GALNT17: variants seen among roughly 807,000 people sequenced by gnomAD.
The protein encoded by GALNT17 is polypeptide N-acetylgalactosaminyltransferase 17.
GALNT17 carries 29 observed loss-of-function variants against 63.7 expected under a neutral mutation model. The observed-to-expected ratio is 0.46, with a 90% CI of 0.34 to 0.62. The LOEUF (loss-of-function observed/expected upper bound fraction) is 0.62. GALNT17 is among the 20% of genes least tolerant of loss of function. The pLI is 0.01. For missense variants in GALNT17, 603 were observed against 799.6 expected, an observed-to-expected ratio of 0.75 and a Z score of 2.97; for synonymous variants, 305 against 318.3, an observed-to-expected ratio of 0.96 and a Z score of 0.45.
intron 1 of GALNT17, among the ~76,000 whole-genome samples, chr7:71,162,096 C>T (rs1369278565): frequency 1.8e-5 from 2 of 114,064 alleles, no homozygotes; most frequent in Non-Finnish European, 3.6e-5. Flanking sequence ...TTCCTCCCTC[C>T]CTCCCTTCCT....
chr7:71,183,299 C>T lies in GALNT17; in HGVS notation c.238+50259C>T, dbSNP rs769044161. 7.9e-5 allele frequency among the ~76,000 whole-genome samples: 12 copies of T among 152,064 alleles called. 1 individual carries two copies. The highest frequency in any genetic ancestry group is 2.0e-4 in the Admixed American group (3 of 15,258). Reference sequence around the variant, plus strand: ...CTTCATACATTTCTTCCCAGTGTAGCTCTTGAAGACAGAAGGAATCACTCC... The same window carrying T: ...CTTCATACATTTCTTCCCAGTGTAGTTCTTGAAGACAGAAGGAATCACTCC... On this transcript the variant is annotated intron_variant, in intron 1 of 10. Coordinates refer to ENST00000333538, the MANE Select transcript of GALNT17 (RefSeq NM_022479.3).
chr7:71,177,900 G>C lies in GALNT17; in HGVS notation c.238+44860G>C, dbSNP rs1017317618. 3.2e-4 allele frequency among the ~76,000 whole-genome samples: 48 copies of C among 152,174 alleles called. 1 individual carries two copies. Among genetic ancestry groups the C allele is most frequent in the African/African-American group, 1.1e-3 (47 of 41,440 alleles). The stretch of plus-strand genomic sequence containing the variant: ...CTATATATATTTATGTTAAAAGGAA[G>C]GTAGGGGTTGCTTGCCTGATGATTT... On this transcript the variant is annotated intron_variant, in intron 1 of 10. Transcript: ENST00000333538.
At chr7:71,318,570 C>T (rs1791544790) in intron 1 of GALNT17, among the ~76,000 whole-genome samples, 1 of 152,016 alleles carries the variant, frequency 6.6e-6, no homozygotes, top group Admixed American at 6.6e-5. Context: ...CAGGCATGCA[C>T]CACCACGCCC....
At chr7:71,535,173 G>A (rs184590208) in intron 5 of GALNT17, among the ~76,000 whole-genome samples, 3 of 152,304 alleles carry the variant, frequency 2.0e-5, no homozygotes, top group Admixed American at 2.0e-4. Flanking sequence ...GTTTTAAGAG[G>A]GAGGCCACAG....
chr7:71,265,118 A>ATATTTT (rs1390488895), intron 1 of GALNT17, among the ~76,000 whole-genome samples: 3 of 37,464 alleles, frequency 8.0e-5, no homozygotes, highest in African/African-American at 1.4e-4. Flanking sequence ...ATATATATAT[A>ATATTTT]TTTTTTTTTT....
chr7:71,545,603 T>C lies in GALNT17; in HGVS notation c.963-25682T>C, dbSNP rs1159136142. Among the ~76,000 whole-genome samples the C allele has an allele frequency of 1.1e-4, 16 of 152,124 alleles. No individual in the cohort carries two copies. In the East Asian group the frequency reaches 3.2e-3, roughly 30 times the overall value. ...CTGGCTTCTAGCGATCCACCTGCTT[T>C]GGCCTCCCAAAGTGCTGGGATTATA... On this transcript the variant is annotated intron_variant, in intron 5 of 10. Transcript: ENST00000333538.
At chr7:71,457,488 G>A (rs1442902272) in intron 5 of GALNT17, among the ~76,000 whole-genome samples, 2 of 152,186 alleles carry the variant, frequency 1.3e-5, no homozygotes, top group African/African-American at 4.8e-5. Flanking sequence ...GGAAAGTAAA[G>A]GAATAAAAGA....
intron 6 of GALNT17, among the ~76,000 whole-genome samples, chr7:71,617,616 TTTTGTTTG>T (rs199901403): frequency 0.41 from 59,976 of 146,334 alleles, 13,316 homozygotes; most frequent in Middle Eastern, 0.55. Context: ...AACTGGCTGC[TTTTGTTTG>T]TTTGTTTGTT....
intron 1 of GALNT17, among the ~76,000 whole-genome samples, chr7:71,170,250 C>G (rs1231764200): frequency 6.6e-6 from 1 of 152,182 alleles, no homozygotes; most frequent in Admixed American, 6.5e-5. Flanking sequence ...ATCCAGGATG[C>G]TGTTTTTTTC....
chr7:71,144,325 A>G (rs1012356684), intron 1 of GALNT17, among the ~76,000 whole-genome samples: 11 of 152,160 alleles, frequency 7.2e-5, no homozygotes, highest in Middle Eastern at 6.8e-3. Flanking sequence ...TTCCTGGGGA[A>G]CGTCCCACCT....
intron 1 of GALNT17, among the ~76,000 whole-genome samples, chr7:71,245,496 A>G (rs1262008248): frequency 6.6e-6 from 1 of 152,072 alleles, no homozygotes; most frequent in Admixed American, 6.6e-5. Context: ...CAGGTGGAAA[A>G]TTTGGCCATG....
intron 5 of GALNT17, among the ~76,000 whole-genome samples, chr7:71,504,355 G>A (rs369933327): frequency 1.3e-5 from 2 of 151,814 alleles, no homozygotes; most frequent in Admixed American, 6.6e-5. Context: ...AGATCGTACC[G>A]CTGCACCCTG....
At chr7:71,586,413 G>A (rs1167684906) in intron 6 of GALNT17, among the ~76,000 whole-genome samples, 2 of 152,158 alleles carry the variant, frequency 1.3e-5, no homozygotes, top group Non-Finnish European at 2.9e-5. Flanking sequence ...ATGACAATTT[G>A]TTTATTCATT....
intron 4 of GALNT17, among the ~76,000 whole-genome samples, chr7:71,417,835 T>C (rs1786567932): frequency 6.6e-6 from 1 of 152,190 alleles, no homozygotes; most frequent in Admixed American, 6.5e-5. Context: ...CCCTTGATTT[T>C]CCCCTTGCCA....
chr7:71,640,917 G>A (rs948469864), intron 6 of GALNT17, among the ~76,000 whole-genome samples: 2 of 152,006 alleles, frequency 1.3e-5, no homozygotes, highest in Non-Finnish European at 2.9e-5. Flanking sequence ...TGCCAAAAGT[G>A]TCTGCAGCAC....
At chr7:71,162,011 TC>T (rs1788349754) in intron 1 of GALNT17, among the ~76,000 whole-genome samples, 1 of 147,906 alleles carries the variant, frequency 6.8e-6, no homozygotes, top group African/African-American at 2.5e-5. Context: ...CCCTTCTTCC[TC>T]CTTCCTTCCT....
intron 1 of GALNT17, among the ~76,000 whole-genome samples, chr7:71,198,283 C>T (rs1789095947): frequency 6.6e-6 from 1 of 151,968 alleles, no homozygotes; most frequent in Non-Finnish European, 1.5e-5. Context: ...ATAGTGGCCC[C>T]CAACAAATGT....
At chr7:71,377,112 A>ATATATATATATATAT (rs1563047568) in intron 2 of GALNT17, among the ~76,000 whole-genome samples, 1 of 57,230 alleles carries the variant, frequency 1.7e-5, no homozygotes, top group Admixed American at 2.1e-4. Context: ...AAAAATAAAA[A>ATATATATATATATAT]AAATATATAT....
At chr7:71,211,645 G>A (rs148519841) in intron 1 of GALNT17, among the ~76,000 whole-genome samples, 22 of 152,326 alleles carry the variant, frequency 1.4e-4, no homozygotes, top group African/African-American at 5.1e-4. Context: ...CTAGAGACTT[G>A]TTGAATGGCC....
Sources: allele counts gnomAD v4.1 joint callset (sites outside exome capture counted in the v4.1 genomes callset), GRCh38; gene constraint gnomAD v4.1.1; transcripts MANE v1.5; gene names NCBI Gene and HGNC (gene_info 2026-07-23, HGNC 2026-07-21).